Variants in MORC1 observed in about 807,000 individuals in gnomAD.
MORC1 encodes MORC family CW-type zinc finger 1, also known as MORC family CW-type zinc finger protein 1.
In MORC1, 59 loss-of-function variants were observed where a neutral mutation model predicts 134.9. That is an observed-to-expected ratio of 0.44 (90% CI 0.35 to 0.54). The LOEUF (loss-of-function observed/expected upper bound fraction) is 0.54. Ranked by LOEUF, MORC1 falls within the 20% of genes least tolerant of loss-of-function variation. The pLI is 0.00. For missense variants in MORC1, 947 were observed against 1,134.5 expected (o/e 0.83, Z 2.37); for synonymous variants, 395 against 391.7 (o/e 1.01, Z -0.10).
chr3:109,102,259 G>C (rs1321719400), intron 4 of MORC1, among the ~76,000 whole-genome samples: 1 of 152,086 alleles, frequency 6.6e-6, no homozygotes, highest in Admixed American at 6.6e-5. Context: ...GAGGAAGTGG[G>C]AAGAACAAGA....
At chr3:108,969,870 G>A in intron 25 of MORC1, 148 bp from the exon 26 acceptor site, 1 of 628,448 alleles carries the variant, frequency 1.6e-6, no homozygotes. Context: ...TTAAGTCTGG[G>A]TCTAATTAAA....
At chr3:109,114,335 T>C (rs1951227699) in intron 2 of MORC1, 49 bp downstream of exon 2, 1 of 1,482,168 alleles carries the variant, frequency 6.7e-7, no homozygotes, top group Non-Finnish European at 9.3e-7. Context: ...TAGACAAGAG[T>C]TATGTCATGA....
chr3:109,076,989 A>AAG (rs1950436352), intron 8 of MORC1, among the ~76,000 whole-genome samples: 1 of 150,798 alleles, frequency 6.6e-6, no homozygotes, highest in African/African-American at 2.4e-5. Context: ...AAAAAAAAAA[A>AAG]GTTAAGAGAA....
chr3:109,107,816 A>G (rs967970546), intron 3 of MORC1, among the ~76,000 whole-genome samples: 3 of 152,240 alleles, frequency 2.0e-5, no homozygotes, highest in African/African-American at 7.2e-5. Context: ...ATGAACAGGT[A>G]AATCAATAAA....
rs1384825233 is a variant in MORC1 at position 109,118,007 on chromosome 3, A to G, written c.53T>C (p.Ile18Thr). ...LQRAQLRLDF[I>T]HANSTTHSFL... is the part of the protein sequence containing the mutation. Reference sequence around the variant, plus strand: ...CCTCGGCACTCACGAGTTGGCGTGGATGAAATCCAGACGCAGCTGGGCCCG... The same window carrying G: ...CCTCGGCACTCACGAGTTGGCGTGGGTGAAATCCAGACGCAGCTGGGCCCG... The change falls in exon 1 of 28, where the codon ATC becomes ACC. Residue 18 changes from isoleucine (I) to threonine (T), a missense_variant. By Grantham distance (89) the Ile-to-Thr change is moderately conservative (BLOSUM62 -1). This residue lies in a region of MORC1 where 214 missense variants were observed against 281.3 expected (regional missense o/e 0.76). Coordinates refer to ENST00000232603, the MANE Select transcript of MORC1 (RefSeq NM_014429.4). 1.2e-6 allele frequency: 2 copies of G among 1,606,490 alleles called. No homozygotes were observed. The highest frequency in any genetic ancestry group is 2.7e-5 in the African/African-American group (2 of 74,734).
intron 24 of MORC1, among the ~76,000 whole-genome samples, chr3:108,978,037 C>G (rs1273689354): frequency 6.6e-6 from 1 of 152,174 alleles, no homozygotes; most frequent in Admixed American, 6.5e-5. Flanking sequence ...GCCACCCTGA[C>G]TGGCTAATTT....
chr3:109,028,698 G>A (rs1054340476), intron 16 of MORC1, among the ~76,000 whole-genome samples: 1 of 152,120 alleles, frequency 6.6e-6, no homozygotes. Flanking sequence ...TTGTGGTTAT[G>A]TACTGGGGAA....
rs537580067 is a variant in MORC1, at chr3:109,057,952, C to A, written c.1032-466G>T. Among the ~76,000 whole-genome samples the A allele has an allele frequency of 1.7e-4, 26 of 152,232 alleles. No individual in the cohort carries two copies. The East Asian group carries it at 4.8e-3, about 28-fold the overall frequency. ...CTCTGGCTTCCTCTCTAACCCTTTC[C>A]AAAATACAAGGTAAATAAGTTATTA... On this transcript the variant is annotated intron_variant, in intron 12 of 27. Coordinates refer to ENST00000232603, the MANE Select transcript of MORC1 (RefSeq NM_014429.4).
intron 5 of MORC1, 106 bp from the exon 6 acceptor site, chr3:109,099,572 A>T: frequency 1.2e-6 from 1 of 812,278 alleles, no homozygotes; most frequent in Non-Finnish European, 1.8e-6. Flanking sequence ...TCTTTCCAAC[A>T]CTCTGTTCTG....
chr3:109,055,484 T>G (rs1040617669), intron 13 of MORC1, among the ~76,000 whole-genome samples: 25 of 152,188 alleles, frequency 1.6e-4, no homozygotes, highest in Admixed American at 1.5e-3. Flanking sequence ...GCCTCACAAT[T>G]TGGGGTCCCT....
chr3:108,993,935 G>A lies in MORC1; in HGVS notation c.2187+6622C>T, dbSNP rs138778210. 5.1e-3 allele frequency among the ~76,000 whole-genome samples: 779 copies of A among 152,230 alleles called. 18 individuals are homozygous for A. The highest frequency in any genetic ancestry group is 0.018 in the African/African-American group (749 of 41,536). The stretch of plus-strand genomic sequence containing the variant: ...ACCATAAAACATAAACCTAGACACG[G>A]TAGCAACTCATCAGCTCATCTAGAT... On this transcript the variant is annotated intron_variant, in intron 21 of 27. Coordinates refer to ENST00000232603, the MANE Select transcript of MORC1 (RefSeq NM_014429.4).
intron 21 of MORC1, among the ~76,000 whole-genome samples, chr3:108,998,406 A>C (rs1333717189): frequency 6.6e-6 from 1 of 152,206 alleles, no homozygotes; most frequent in Non-Finnish European, 1.5e-5. Flanking sequence ...CCTAGGTCCC[A>C]CAACCAGTAA....
At chr3:109,107,455 C>T (rs571082053) in intron 3 of MORC1, among the ~76,000 whole-genome samples, 10 of 152,082 alleles carry the variant, frequency 6.6e-5, no homozygotes, top group East Asian at 5.8e-4. Context: ...AGAGTGTAAA[C>T]GCAGCACCTA....
intron 14 of MORC1, among the ~76,000 whole-genome samples, chr3:109,043,049 T>C (rs918755842): frequency 4.6e-5 from 7 of 151,864 alleles, no homozygotes; most frequent in East Asian, 1.9e-4. Context: ...TACTTGAAAA[T>C]TGCTTTTAAA....
intron 13 of MORC1, 80 bp from the exon 14 acceptor site, chr3:109,054,962 A>T (rs943253403): frequency 4.9e-5 from 58 of 1,183,830 alleles, no homozygotes; most frequent in Middle Eastern, 5.9e-4. Context: ...ATTTGAAATC[A>T]TTTTTTTTTT....
chr3:109,054,409 G>C (rs1401165804), intron 14 of MORC1, among the ~76,000 whole-genome samples: 1 of 152,156 alleles, frequency 6.6e-6, no homozygotes, highest in Admixed American at 6.5e-5. Flanking sequence ...TCACACAGTG[G>C]AGTCCCAGTG....
At chr3:109,090,384 G>A (rs1395235588) in intron 8 of MORC1, among the ~76,000 whole-genome samples, 4 of 151,984 alleles carry the variant, frequency 2.6e-5, no homozygotes, top group African/African-American at 4.8e-5. Context: ...TTGGGAGGCC[G>A]AGGTGGGTGG....
At chr3:108,978,759 T>C (rs1947631666) in intron 24 of MORC1, among the ~76,000 whole-genome samples, 2 of 152,116 alleles carry the variant, frequency 1.3e-5, no homozygotes, top group African/African-American at 4.8e-5. Flanking sequence ...TAAGGAAAAA[T>C]ACCATTCCAG....
Position 109,115,696 on chromosome 3 carries a change from C to A in MORC1, c.66-1259G>T, listed in dbSNP as rs372038265. 2.1e-4 allele frequency among the ~76,000 whole-genome samples: 32 copies of A among 152,338 alleles called. No individual in the cohort carries two copies. The South Asian group carries it at 6.2e-3, about 30-fold the overall frequency. Reference sequence around the variant, plus strand: ...CTGACCAAAAATGTCATATGAATTTCTGCACTAGCTCATTCAAGAGATTGT... The same window carrying A: ...CTGACCAAAAATGTCATATGAATTTATGCACTAGCTCATTCAAGAGATTGT... On this transcript the variant is annotated intron_variant, in intron 1 of 27. Coordinates refer to ENST00000232603, the MANE Select transcript of MORC1 (RefSeq NM_014429.4).
Sources: allele counts gnomAD v4.1 joint callset (sites outside exome capture counted in the v4.1 genomes callset), GRCh38; gene constraint gnomAD v4.1.1; regional missense constraint gnomAD v4.1.1; transcripts MANE v1.5; gene names NCBI Gene and HGNC (gene_info 2026-07-23, HGNC 2026-07-21).